The following RANBP10 variants were observed in gnomAD, a reference collection of about 807,000 sequenced individuals.
RANBP10 encodes ran-binding protein 10.
Under a neutral mutation model 72.8 loss-of-function variants are expected in RANBP10, and 24 were observed. The observed-to-expected ratio is 0.33, with a 90% CI of 0.24 to 0.46. The LOEUF (loss-of-function observed/expected upper bound fraction) is 0.46. RANBP10 is among the 20% of genes least tolerant of loss of function. The pLI is 1.00. For synonymous variants in RANBP10, 310 were observed against 322.3 expected (o/e 0.96, Z 0.41); for missense variants, 679 against 817.5 (o/e 0.83, Z 2.07).
chr16:67,782,532 A>T (rs1474441063), intron 2 of RANBP10, among the ~76,000 whole-genome samples: 2 of 151,894 alleles, frequency 1.3e-5, no homozygotes, highest in African/African-American at 4.8e-5. Context: ...GCTCACTGCA[A>T]CCTCTGCCTC....
chr16:67,798,351 G>T (rs992292213), intron 2 of RANBP10, among the ~76,000 whole-genome samples: 1 of 152,192 alleles, frequency 6.6e-6, no homozygotes, highest in Non-Finnish European at 1.5e-5. Context: ...CTGGAACTTG[G>T]TGAGGGGATC....
intron 11 of RANBP10, 63 bp from the exon 12 acceptor site, chr16:67,727,959 G>T: frequency 6.3e-7 from 1 of 1,581,962 alleles, no homozygotes; most frequent in Non-Finnish European, 8.6e-7. Flanking sequence ...CAGGACTAGG[G>T]TGGGGCAGGA....
chr16:67,757,225 C>G (rs2054302067), intron 3 of RANBP10, among the ~76,000 whole-genome samples: 1 of 152,162 alleles, frequency 6.6e-6, no homozygotes, highest in Non-Finnish European at 1.5e-5. Flanking sequence ...AACCCTGGCT[C>G]TGCAGTAGAG....
At chr16:67,780,926 G>A (rs568527293) in intron 2 of RANBP10, among the ~76,000 whole-genome samples, 15 of 152,330 alleles carry the variant, frequency 9.8e-5, no homozygotes, top group South Asian at 8.3e-4. Flanking sequence ...TTGATGCCAC[G>A]CACACACATC....
rs767427091 is a variant in RANBP10, at chr16:67,731,566, G to T, written c.795C>A (p.Leu265=). 6.2e-7 allele frequency: 1 copy of T among 1,613,936 alleles called. No homozygotes were observed. The highest frequency in any genetic ancestry group is 1.1e-5 in the South Asian group (1 of 91,062). ...AVLQNMVSSY[L]VHHGYCATAT... ...CTGTGGCACAATACCCATGATGCAC[G>T]AGGTAAGATGAAACCATGCTAGAAG... The change falls in exon 7 of 14, where the codon CTC becomes CTA. Residue 265 remains leucine (L), a synonymous_variant. Coordinates refer to ENST00000317506, the MANE Select transcript of RANBP10 (RefSeq NM_020850.3).
At chr16:67,742,089 A>C (rs114150382) in intron 4 of RANBP10, among the ~76,000 whole-genome samples, 1,722 of 148,600 alleles carry the variant, frequency 0.012, 27 homozygotes, top group African/African-American at 0.035. Flanking sequence ...TTTTTTTTTT[A>C]ATATAGGGAC....
chr16:67,737,191 T>TG (rs1238209868), intron 5 of RANBP10, among the ~76,000 whole-genome samples: 187 of 143,936 alleles, frequency 1.3e-3, no homozygotes, highest in Middle Eastern at 7.5e-3. Context: ...TCCATCCTTT[T>TG]CTTTTTTTTT....
chr16:67,766,210 T>TAC (rs1489700185), intron 3 of RANBP10, among the ~76,000 whole-genome samples: 1 of 152,130 alleles, frequency 6.6e-6, no homozygotes, highest in African/African-American at 2.4e-5. Flanking sequence ...CCCACCAAAA[T>TAC]ACCAGGACCT....
In RANBP10 at chr16:67,755,578, G is replaced by C. The variant is rs559420318; in HGVS notation, c.401-11123C>G. On this transcript the variant is annotated intron_variant, in intron 3 of 13. Coordinates refer to ENST00000317506, the MANE Select transcript of RANBP10 (RefSeq NM_020850.3). ...ACATGCCTGTAATCCCAGCTGCTCGGAAGGCTGAGGCAGGAGAATTGCTTG... is the reference window on the plus strand; with the variant it reads ...ACATGCCTGTAATCCCAGCTGCTCGCAAGGCTGAGGCAGGAGAATTGCTTG... Among the ~76,000 whole-genome samples, 9 of 151,662 alleles carry C rather than the reference G, an allele frequency of 5.9e-5. No individual in the cohort carries two copies. The South Asian group carries it at 1.9e-3, about 32-fold the overall frequency.
At chr16:67,750,345 A>T (rs1487657816) in intron 3 of RANBP10, among the ~76,000 whole-genome samples, 1 of 152,226 alleles carries the variant, frequency 6.6e-6, no homozygotes, top group Non-Finnish European at 1.5e-5. Flanking sequence ...TTGCCAGTGC[A>T]TCATGATCCA....
At chr16:67,805,922 T>C (rs966121635) in intron 1 of RANBP10, among the ~76,000 whole-genome samples, 3 of 152,224 alleles carry the variant, frequency 2.0e-5, no homozygotes, top group Admixed American at 6.5e-5. Context: ...CAGTCTAGGA[T>C]GCCTGGCAGG....
At chr16:67,731,075 C>T (rs2053720941) in intron 7 of RANBP10, 1 of 235,010 alleles carries the variant, frequency 4.3e-6, no homozygotes, top group South Asian at 5.2e-5. Flanking sequence ...CCACTTCAGT[C>T]CCCTCTCTGG....
At chr16:67,795,586 G>A (rs1015445755) in intron 2 of RANBP10, among the ~76,000 whole-genome samples, 1 of 151,278 alleles carries the variant, frequency 6.6e-6, no homozygotes, top group South Asian at 2.1e-4. Context: ...AAAGGTTTTC[G>A]GCCGGGCGCG....
intron 3 of RANBP10, among the ~76,000 whole-genome samples, chr16:67,767,454 CA>C (rs1178049394): frequency 3.4e-3 from 219 of 64,056 alleles, no homozygotes; most frequent in East Asian, 6.2e-3. Flanking sequence ...GACCCTGTTT[CA>C]AAAAAAAAAA....
intron 6 of RANBP10, 28 bp downstream of exon 6, chr16:67,734,830 T>A: frequency 6.6e-7 from 1 of 1,508,024 alleles, no homozygotes; most frequent in Non-Finnish European, 8.9e-7. Flanking sequence ...GGGGTGGGAG[T>A]GGGTAAGGGC....
At chr16:67,799,302 T>G (rs1311769188) in intron 2 of RANBP10, among the ~76,000 whole-genome samples, 3 of 149,368 alleles carry the variant, frequency 2.0e-5, no homozygotes, top group Non-Finnish European at 4.5e-5. Flanking sequence ...TTTTTTTTTT[T>G]TTTGAGACAG....
Position 67,806,522 on chromosome 16 carries a change from C to G in RANBP10, c.15G>C (p.Thr5=), listed in dbSNP as rs757591623. 10 of 1,510,108 alleles carry G rather than the reference C, an allele frequency of 6.6e-6. No individual in the cohort carries two copies. The highest frequency in any genetic ancestry group is 7.9e-6 in the Non-Finnish European group (9 of 1,137,088). 93.5% of individuals were successfully genotyped at this position (1,510,108 alleles called of 1,614,324 possible). MAAA[T]ADPGAGNPQP... ...GCGGGTTCCCAGCTCCCGGGTCTGC[C>G]GTCGCTGCCGCCATCTTGGAGGGAG... The change falls in exon 1 of 14, where the codon ACG becomes ACC. Residue 5 remains threonine, a synonymous_variant. Transcript: ENST00000317506.
At chr16:67,770,289 AG>A (rs1003402275) in intron 3 of RANBP10, among the ~76,000 whole-genome samples, 1 of 152,122 alleles carries the variant, frequency 6.6e-6, no homozygotes, top group African/African-American at 2.4e-5. Context: ...ACAGCCACAC[AG>A]TATGCAAAGA....
chr16:67,748,395 C>T (rs545006238), intron 3 of RANBP10, among the ~76,000 whole-genome samples: 1 of 151,584 alleles, frequency 6.6e-6, no homozygotes, highest in African/African-American at 2.4e-5. Context: ...TGGTGGCGGG[C>T]GCCTGTAATC....
Sources: allele counts gnomAD v4.1 joint callset (sites outside exome capture counted in the v4.1 genomes callset), GRCh38; gene constraint gnomAD v4.1.1; transcripts MANE v1.5; gene names NCBI Gene and HGNC (gene_info 2026-07-23, HGNC 2026-07-21).